DSG2: variants seen among roughly 807,000 people sequenced by gnomAD.
The protein encoded by DSG2 is desmoglein-2.
In DSG2, 45 loss-of-function variants were observed where a neutral mutation model predicts 75.6. The ratio of observed to expected loss-of-function variants is 0.60; its 90% CI spans 0.47 to 0.76. DSG2 has a LOEUF of 0.76. DSG2 is among the 30% of genes least tolerant of loss of function. The pLI is 0.00. For missense variants in DSG2, 1,267 were observed against 1,357.4 expected (o/e 0.93, Z 1.05); for synonymous variants, 429 against 483.9 (o/e 0.89, Z 1.49).
intron 1 of DSG2, among the ~76,000 whole-genome samples, chr18:31,498,718 T>G (rs1470565829): frequency 6.6e-6 from 1 of 152,136 alleles, no homozygotes; most frequent in East Asian, 1.9e-4. Flanking sequence ...TTCCCTAGGA[T>G]TCCCCAGCTC....
At position 31,538,947 on chromosome 18, in the gene DSG2, G is replaced by C. The variant is rs372349945; in HGVS notation, c.1848G>C (p.Ala616=). ...SYVGLGPAAI[A]LMILAFLLLL... ...TGGGCCTGGGACCCGCAGCAATTGC[G>C]CTCATGATTTTGGCCTTTCTGCTCC... Residue 616 remains alanine, a synonymous_variant, in exon 12 of 15, where the codon GCG becomes GCC. Coordinates refer to ENST00000261590, the MANE Select transcript of DSG2 (RefSeq NM_001943.5). 1.2e-6 allele frequency: 2 copies of C among 1,613,868 alleles called. No individual in the cohort carries two copies. The highest frequency in any genetic ancestry group is 2.2e-5 in the South Asian group (2 of 91,078).
In DSG2 at chr18:31,522,288, T is replaced by C; in HGVS notation, c.690+39T>C. On this transcript the variant is annotated intron_variant, in intron 6 of 14. Coordinates refer to ENST00000261590, the MANE Select transcript of DSG2 (RefSeq NM_001943.5). ...TTATGTTGCCCATCTTTAAACTCTC[T>C]ATCCTTTCCAGTTTCTCCTCTCTTT... The C allele has an allele frequency of 1.9e-6, 3 of 1,574,360 alleles. No homozygotes were observed. In the Middle Eastern group the frequency reaches 5.0e-4, roughly 264 times the overall value.
rs985909842 is a variant in DSG2 at position 31,547,599 on chromosome 18, C to G, written c.*856C>G. ...GGCTGAGGCAGGAGAATCACTTGAACCCGGGAGGCGGAGGTTGCAGTGAGC... is the reference window on the plus strand; with the variant it reads ...GGCTGAGGCAGGAGAATCACTTGAAGCCGGGAGGCGGAGGTTGCAGTGAGC... On this transcript the variant is annotated 3_prime_UTR_variant, in exon 15 of 15. Transcript: ENST00000261590. 2 of 151,988 alleles carry G rather than the reference C, an allele frequency of 1.3e-5. No homozygotes were observed. Among genetic ancestry groups the G allele is most frequent in the Non-Finnish European group, 2.9e-5 (2 of 68,050 alleles). The allele number at this position is 151,988 out of a possible 1,614,324, so 9.4% of individuals were successfully genotyped here.
At chr18:31,544,376 C>T (rs1567933781) in intron 14 of DSG2, among the ~76,000 whole-genome samples, 1 of 152,024 alleles carries the variant, frequency 6.6e-6, no homozygotes, top group Non-Finnish European at 1.5e-5. Flanking sequence ...TATAAATACA[C>T]ATGACTGCAA....
At position 31,522,209 on chromosome 18, in the gene DSG2, C is replaced by G. The variant is rs776720174; in HGVS notation, c.650C>G (p.Thr217Arg). 3 of 1,613,764 alleles carry G rather than the reference C, an allele frequency of 1.9e-6. No individual in the cohort carries two copies. In the East Asian group the frequency reaches 6.7e-5, roughly 36 times the overall value. Residue 217 changes from threonine (T) to arginine (R), a missense_variant, in exon 6 of 15, where the codon ACA becomes AGA. Transcript: ENST00000261590. Reference protein sequence around the residue: ...YPPVFYLNKDTGEIYTTSVTL... With the variant: ...YPPVFYLNKDRGEIYTTSVTL... Reference sequence around the variant, plus strand: ...CCAGTGTTCTACCTAAATAAAGATACAGGAGAGATTTATACAACCAGTGTT... The same window carrying G: ...CCAGTGTTCTACCTAAATAAAGATAGAGGAGAGATTTATACAACCAGTGTT...
chr18:31,534,083 C>T (rs1245284853), intron 9 of DSG2, among the ~76,000 whole-genome samples: 2 of 150,568 alleles, frequency 1.3e-5, no homozygotes, highest in African/African-American at 2.4e-5. Flanking sequence ...CTCTGCCTCC[C>T]GGGTTCAAGC....
rs761244929 is a variant in DSG2, at chr18:31,530,978, C to G, written c.1015-9C>G. The G allele has an allele frequency of 1.2e-6, 2 of 1,613,570 alleles. No individual in the cohort carries two copies. The highest frequency in any genetic ancestry group is 1.7e-4 in the Middle Eastern group (1 of 6,056). ...TTTGAAAAGAATTCCCTTTGGTTTT[C>G]CCTTTCAGGAAGTAGATTATGAAGA... On this transcript the variant is annotated splice_polypyrimidine_tract_variant and intron_variant, in intron 8 of 14. Coordinates refer to ENST00000261590, the MANE Select transcript of DSG2 (RefSeq NM_001943.5).
intron 8 of DSG2, among the ~76,000 whole-genome samples, chr18:31,526,173 G>A (rs2073162015): frequency 6.6e-6 from 1 of 152,146 alleles, no homozygotes; most frequent in Non-Finnish European, 1.5e-5. Context: ...TAATATCAGT[G>A]TATTTTAAGT....
At chr18:31,507,239 C>G (rs977644666) in intron 1 of DSG2, among the ~76,000 whole-genome samples, 2 of 152,098 alleles carry the variant, frequency 1.3e-5, no homozygotes, top group African/African-American at 4.8e-5. Context: ...CATCCATGTC[C>G]CTGCAAAGGA....
intron 1 of DSG2, among the ~76,000 whole-genome samples, chr18:31,506,413 C>G (rs182328159): frequency 6.6e-6 from 1 of 152,148 alleles, no homozygotes; most frequent in East Asian, 1.9e-4. Flanking sequence ...CTTTCTAAAG[C>G]CCTTGATTTT....
At chr18:31,518,295 T>C (rs2073105689) in intron 2 of DSG2, 21 bp downstream of exon 2, 10 of 1,607,198 alleles carry the variant, frequency 6.2e-6, no homozygotes, top group Non-Finnish European at 8.5e-6. Context: ...AAAGGGATTA[T>C]TTCTGCCTTC....
chr18:31,506,748 C>T (rs980769185), intron 1 of DSG2, among the ~76,000 whole-genome samples: 1 of 152,026 alleles, frequency 6.6e-6, no homozygotes, highest in East Asian at 1.9e-4. Flanking sequence ...TGCCTAATTC[C>T]AAAAGCATTT....
At chr18:31,499,357 C>CGTGTGTGTGT (rs34693299) in intron 1 of DSG2, among the ~76,000 whole-genome samples, 11 of 149,636 alleles carry the variant, frequency 7.4e-5, no homozygotes, top group African/African-American at 2.7e-4. Flanking sequence ...GGAAGAAAAT[C>CGTGTGTGTGT]GTGTGTGTGT....
chr18:31,504,714 G>C (rs2073030295), intron 1 of DSG2, among the ~76,000 whole-genome samples: 1 of 152,194 alleles, frequency 6.6e-6, no homozygotes. Context: ...GCTCGTCATT[G>C]AGCCGCACTG....
At position 31,548,230 on chromosome 18, in the gene DSG2, A is replaced by G. The variant is rs1353442040; in HGVS notation, c.*1487A>G. On this transcript the variant is annotated 3_prime_UTR_variant, in exon 15 of 15. Coordinates refer to ENST00000261590, the MANE Select transcript of DSG2 (RefSeq NM_001943.5). ...ACAAATCATTTGGGTTATCTCCTAA[A>G]TAGGTTATATTTTATTGCTTCTAGA... 1 of 152,164 alleles carries G rather than the reference A, an allele frequency of 6.6e-6. No homozygotes were observed. The highest frequency in any genetic ancestry group is 1.5e-5 in the Non-Finnish European group (1 of 68,030). 9.4% of individuals were successfully genotyped at this position (152,164 alleles called of 1,614,324 possible).
chr18:31,538,104 A>C (rs1209581996), intron 11 of DSG2, among the ~76,000 whole-genome samples: 2 of 148,574 alleles, frequency 1.3e-5, no homozygotes, highest in Non-Finnish European at 3.0e-5. Context: ...AATAGTTAAG[A>C]AACTTTAAAA....
intron 1 of DSG2, among the ~76,000 whole-genome samples, chr18:31,513,847 G>GGCTAT (rs1568102988): frequency 6.6e-6 from 1 of 152,198 alleles, no homozygotes; most frequent in Non-Finnish European, 1.5e-5. Context: ...CTAGTATGGT[G>GGCTAT]TGACAGAAAG....
chr18:31,527,709 G>A (rs2073170957), intron 8 of DSG2, among the ~76,000 whole-genome samples: 1 of 152,172 alleles, frequency 6.6e-6, no homozygotes, highest in Non-Finnish European at 1.5e-5. Context: ...TTCTAGAATG[G>A]CAGAAATGAA....
At chr18:31,521,051 T>G (rs760209799) in intron 4 of DSG2, 48 bp from the exon 5 acceptor site, 2 of 1,611,732 alleles carry the variant, frequency 1.2e-6, no homozygotes, top group African/African-American at 2.7e-5. Context: ...AGTATGGTAA[T>G]TTAGTTTTCT....
Sources: allele counts gnomAD v4.1 joint callset (sites outside exome capture counted in the v4.1 genomes callset), GRCh38; gene constraint gnomAD v4.1.1; transcripts MANE v1.5; gene names NCBI Gene and HGNC (gene_info 2026-07-23, HGNC 2026-07-21).